The following DNAH3 variants were observed in gnomAD, a reference collection of about 807,000 sequenced individuals.
The protein encoded by DNAH3 is axonemal beta dynein heavy chain 3.
In DNAH3, 332 loss-of-function variants were observed where a neutral mutation model predicts 432.5. That is an observed-to-expected ratio of 0.77 (90% CI 0.70 to 0.84). The LOEUF is 0.84. Among genes scored for constraint, DNAH3 ranks in the 40% least tolerant of loss-of-function variants. The pLI, the probability that DNAH3 is intolerant of heterozygous loss-of-function variation, is 0.00. For synonymous variants in DNAH3, 1,956 were observed against 1,900.2 expected, an observed-to-expected ratio of 1.03 and a Z score of -0.76; for missense variants, 4,861 against 5,114.0, an observed-to-expected ratio of 0.95 and a Z score of 1.51.
At chr16:21,059,532 T>C (rs1206808904) in intron 26 of DNAH3, among the ~76,000 whole-genome samples, 1 of 152,160 alleles carries the variant, frequency 6.6e-6, no homozygotes, top group East Asian at 1.9e-4. Flanking sequence ...CCCAGCACTT[T>C]GGGAGACCGA....
At position 21,117,200 on chromosome 16, in the gene DNAH3, T is replaced by C. The variant is rs1055928481; in HGVS notation, c.1814+3A>G. The C allele has an allele frequency of 8.8e-6, 14 of 1,590,830 alleles. No individual in the cohort carries two copies. Among genetic ancestry groups the C allele is most frequent in the African/African-American group, 1.4e-5 (1 of 73,504 alleles). Reference sequence around the variant, plus strand: ...TAGCTAATAAATTTATAACTCAACTTACTTGCAGGGGCCAACTTGATTTTT... The same window carrying C: ...TAGCTAATAAATTTATAACTCAACTCACTTGCAGGGGCCAACTTGATTTTT... On this transcript the variant is annotated splice_donor_region_variant and intron_variant, in intron 12 of 61. Transcript: ENST00000261383.
At chr16:21,125,259 A>T in exon 9 of DNAH3, 1 of 1,613,924 alleles carries the variant, frequency 6.2e-7, no homozygotes. Flanking sequence ...ATGATGCCAC[A>T]GAAGCAAAAT....
Position 20,952,562 on chromosome 16 carries a change from G to A in DNAH3, c.11072-13C>T, listed in dbSNP as rs964765756. 6.6e-7 allele frequency: 1 copy of A among 1,511,072 alleles called. No individual in the cohort carries two copies. Among genetic ancestry groups the A allele is most frequent in the Non-Finnish European group, 9.2e-7 (1 of 1,087,094 alleles). The allele number at this position is 1,511,072 out of a possible 1,614,324, so 93.6% of individuals were successfully genotyped here. ...GGAATATTCCACCCTGCGTGTGGGA[G>A]AGCAGAGAGAGGCTTCAGTGCTGAG... On this transcript the variant is annotated splice_polypyrimidine_tract_variant and intron_variant, in intron 55 of 61. Coordinates refer to ENST00000261383, the Ensembl canonical transcript of DNAH3.
intron 21 of DNAH3, among the ~76,000 whole-genome samples, chr16:21,075,121 C>T (rs1481344559): frequency 6.6e-6 from 1 of 152,184 alleles, no homozygotes; most frequent in East Asian, 1.9e-4. Flanking sequence ...CCCTGTGCTT[C>T]TGACGGGACT....
intron 59 of DNAH3, among the ~76,000 whole-genome samples, chr16:20,937,555 G>GTTTTCTT: frequency 8.0e-6 from 1 of 124,310 alleles, no homozygotes. Flanking sequence ...TTTTGAGACA[G>GTTTTCTT]AGTCTTGCCC....
At chr16:21,012,038 CT>C (rs2087627872) in intron 41 of DNAH3, among the ~76,000 whole-genome samples, 1 of 152,174 alleles carries the variant, frequency 6.6e-6, no homozygotes, top group African/African-American at 2.4e-5. Context: ...AGGATCCGAA[CT>C]CTGACAATTT....
At chr16:21,081,017 G>A (rs1040038407) in intron 20 of DNAH3, among the ~76,000 whole-genome samples, 6 of 151,962 alleles carry the variant, frequency 3.9e-5, no homozygotes, top group Admixed American at 6.6e-5. Context: ...TCCTGGGTTC[G>A]AGCGATCCTC....
intron 21 of DNAH3, among the ~76,000 whole-genome samples, chr16:21,071,988 A>G (rs150626730): frequency 0.021 from 3,202 of 152,266 alleles, 118 homozygotes; most frequent in African/African-American, 0.072. Flanking sequence ...CTCAGAGTGA[A>G]TGATTCTGGT....
intron 51 of DNAH3, among the ~76,000 whole-genome samples, chr16:20,974,131 C>T (rs1225899013): frequency 1.3e-5 from 2 of 152,098 alleles, no homozygotes; most frequent in Admixed American, 6.5e-5. Flanking sequence ...AGGACCCTCC[C>T]ACCTCAGTCT....
At chr16:21,028,971 A>G (rs116312243) in intron 37 of DNAH3, among the ~76,000 whole-genome samples, 2,426 of 152,302 alleles carry the variant, frequency 0.016, 63 homozygotes, top group African/African-American at 0.056. Flanking sequence ...ATCCCCAGGA[A>G]GATCACAGCT....
At chr16:21,028,713 T>C (rs998517186) in intron 37 of DNAH3, among the ~76,000 whole-genome samples, 1 of 151,726 alleles carries the variant, frequency 6.6e-6, no homozygotes, top group Admixed American at 6.6e-5. Flanking sequence ...AGTAAAACCC[T>C]GTAGGAAGTA....
exon 12 of DNAH3, chr16:21,117,255 A>C (rs758832819): frequency 6.2e-7 from 1 of 1,611,234 alleles, no homozygotes; most frequent in Non-Finnish European, 8.5e-7. Context: ...TGAATCAAAA[A>C]ATCAGAAACA....
chr16:21,110,423 T>C (rs1264812813), intron 14 of DNAH3, among the ~76,000 whole-genome samples: 1 of 152,154 alleles, frequency 6.6e-6, no homozygotes, highest in Non-Finnish European at 1.5e-5. Flanking sequence ...CTCCTCTGGA[T>C]AGGAATCCGG....
At chr16:21,150,251 T>C (rs768369958) in intron 1 of DNAH3, 39 bp downstream of exon 2, 5 of 345,148 alleles carry the variant, frequency 1.4e-5, no homozygotes, top group Non-Finnish European at 2.7e-5. Flanking sequence ...AAAAAAAAAA[T>C]ACAGGTAAAA....
At chr16:21,027,725 T>C (rs548847035) in intron 37 of DNAH3, among the ~76,000 whole-genome samples, 20 of 152,310 alleles carry the variant, frequency 1.3e-4, no homozygotes, top group African/African-American at 4.8e-4. Flanking sequence ...CTGACCTCAG[T>C]CAGGGTTGAG....
chr16:20,941,568 T>C, intron 58 of DNAH3, 25 bp from the exon 59 acceptor site: 1 of 1,612,644 alleles, frequency 6.2e-7, no homozygotes, highest in South Asian at 1.1e-5. Context: ...AGAAGAGAGG[T>C]GAGTGAGAAG....
exon 6 of DNAH3, chr16:21,136,340 G>A: frequency 2.5e-6 from 4 of 1,613,878 alleles, no homozygotes; most frequent in Non-Finnish European, 2.5e-6. Context: ...TTTTCATGAG[G>A]CTACAGTAAT....
At chr16:21,072,237 A>T (rs2090814187) in intron 21 of DNAH3, among the ~76,000 whole-genome samples, 1 of 151,618 alleles carries the variant, frequency 6.6e-6, no homozygotes, top group Non-Finnish European at 1.5e-5. Context: ...TAATTAATTA[A>T]TTAATTTTAA....
At chr16:21,094,568 G>A (rs2091625890) in intron 18 of DNAH3, among the ~76,000 whole-genome samples, 2 of 152,096 alleles carry the variant, frequency 1.3e-5, no homozygotes, top group Admixed American at 1.3e-4. Context: ...CTAAATGGGA[G>A]GCTGAGGTGG....
Sources: allele counts gnomAD v4.1 joint callset (sites outside exome capture counted in the v4.1 genomes callset), GRCh38; gene constraint gnomAD v4.1.1; transcripts MANE v1.5; gene names NCBI Gene and HGNC (gene_info 2026-07-23, HGNC 2026-07-21).